Variants in PAX7 observed in about 807,000 individuals in gnomAD.
PAX7 encodes paired box protein Pax-7.
Under a neutral mutation model 50.7 loss-of-function variants are expected in PAX7, and 18 were observed. That is an observed-to-expected ratio of 0.36 (90% CI 0.25 to 0.53). The LOEUF (loss-of-function observed/expected upper bound fraction) is 0.53, where lower values mean the gene tolerates loss of function less well. Among genes scored for constraint, PAX7 ranks in the 20% least tolerant of loss-of-function variants. The pLI is 0.93. For synonymous variants in PAX7, 310 were observed against 290.4 expected (o/e 1.07, Z -0.69); for missense variants, 644 against 702.9 (o/e 0.92, Z 0.95).
chr1:18,656,716 G>A (rs941310911), intron 4 of PAX7, among the ~76,000 whole-genome samples: 2 of 151,464 alleles, frequency 1.3e-5, no homozygotes, highest in African/African-American at 2.4e-5. Context: ...ATAATGAGGC[G>A]AGACGTGGTG....
intron 4 of PAX7, among the ~76,000 whole-genome samples, chr1:18,645,708 G>C (rs1203139920): frequency 6.6e-6 from 1 of 152,118 alleles, no homozygotes; most frequent in Non-Finnish European, 1.5e-5. Flanking sequence ...TTGTGAGTCT[G>C]GATCAAGCCT....
intron 4 of PAX7, among the ~76,000 whole-genome samples, chr1:18,649,553 C>T (rs770503828): frequency 4.6e-5 from 7 of 152,006 alleles, no homozygotes; most frequent in Non-Finnish European, 8.8e-5. Flanking sequence ...TTCATAAACC[C>T]CAGATTCTCA....
intron 7 of PAX7, among the ~76,000 whole-genome samples, chr1:18,716,325 T>A (rs1417439070): frequency 6.6e-6 from 1 of 152,190 alleles, no homozygotes; most frequent in East Asian, 1.9e-4. Context: ...TGTCGCCTTC[T>A]GAGTGATAAG....
intron 6 of PAX7, among the ~76,000 whole-genome samples, chr1:18,701,136 G>A (rs2089214311): frequency 6.6e-6 from 1 of 152,086 alleles, no homozygotes; most frequent in African/African-American, 2.4e-5. Flanking sequence ...AATCCCCCTG[G>A]GAATGCCCAA....
intron 7 of PAX7, among the ~76,000 whole-genome samples, chr1:18,712,402 G>C (rs2089364003): frequency 6.6e-6 from 1 of 152,226 alleles, no homozygotes; most frequent in South Asian, 2.1e-4. Flanking sequence ...CCTGGGCAGA[G>C]CCTCTTCTCC....
intron 7 of PAX7, among the ~76,000 whole-genome samples, chr1:18,720,027 T>C (rs1313744066): frequency 6.6e-6 from 1 of 152,190 alleles, no homozygotes; most frequent in Non-Finnish European, 1.5e-5. Flanking sequence ...CAAGGCACAA[T>C]GTTGGAACCA....
chr1:18,682,632 C>T (rs1033329019), intron 4 of PAX7, among the ~76,000 whole-genome samples: 3 of 152,154 alleles, frequency 2.0e-5, no homozygotes, highest in African/African-American at 7.2e-5. Context: ...TGGCCCTGGG[C>T]AAGTCCCTGA....
At chr1:18,674,792 A>C (rs2088801852) in intron 4 of PAX7, among the ~76,000 whole-genome samples, 2 of 152,196 alleles carry the variant, frequency 1.3e-5, no homozygotes, top group South Asian at 4.2e-4. Flanking sequence ...TTATTTGCTG[A>C]TGCTGGTTTT....
chr1:18,709,293 TG>T (rs1197538717), intron 7 of PAX7, among the ~76,000 whole-genome samples: 1 of 152,214 alleles, frequency 6.6e-6, no homozygotes, highest in Non-Finnish European at 1.5e-5. Flanking sequence ...GCACCGCTCC[TG>T]GTGCTCTTTT....
intron 4 of PAX7, among the ~76,000 whole-genome samples, chr1:18,682,345 G>C (rs2088912627): frequency 6.6e-6 from 1 of 152,178 alleles, no homozygotes; most frequent in Admixed American, 6.5e-5. Context: ...CTGAGGCCTA[G>C]GTTCTGGTTA....
intron 4 of PAX7, among the ~76,000 whole-genome samples, chr1:18,690,495 G>C (rs1042741053): frequency 6.6e-6 from 1 of 152,214 alleles, no homozygotes; most frequent in Non-Finnish European, 1.5e-5. Context: ...AGGATTGATG[G>C]GGACAGGGAG....
At chr1:18,696,065 CT>C (rs386366372) in intron 5 of PAX7, among the ~76,000 whole-genome samples, 8,930 of 128,816 alleles carry the variant, frequency 0.069, 353 homozygotes, top group East Asian at 0.2. Flanking sequence ...CATTTCTTTT[CT>C]TTTTTTTTTT....
At chr1:18,669,601 T>G (rs1276608453) in intron 4 of PAX7, among the ~76,000 whole-genome samples, 2 of 152,162 alleles carry the variant, frequency 1.3e-5, no homozygotes, top group Non-Finnish European at 2.9e-5. Flanking sequence ...ACTCTTTTGA[T>G]GCAGAGAGGA....
intron 4 of PAX7, among the ~76,000 whole-genome samples, chr1:18,676,275 A>G (rs1052910588): frequency 4.6e-5 from 7 of 151,514 alleles, no homozygotes; most frequent in African/African-American, 1.7e-4. Context: ...ATTTGTCCAC[A>G]TTTTTCCACC....
At chr1:18,682,870 A>G (rs2100272681) in intron 4 of PAX7, among the ~76,000 whole-genome samples, 1 of 152,226 alleles carries the variant, frequency 6.6e-6, no homozygotes, top group African/African-American at 2.4e-5. Context: ...GACTGGTCTC[A>G]AGGGGAATAT....
intron 7 of PAX7, among the ~76,000 whole-genome samples, chr1:18,712,806 G>A (rs1051127494): frequency 6.6e-6 from 1 of 152,216 alleles, no homozygotes; most frequent in African/African-American, 2.4e-5. Context: ...CTGGGGCCGG[G>A]TGTGGTGGCT....
At chr1:18,675,962 T>C (rs1220290944) in intron 4 of PAX7, among the ~76,000 whole-genome samples, 2 of 152,190 alleles carry the variant, frequency 1.3e-5, no homozygotes, top group Admixed American at 6.5e-5. Flanking sequence ...CACCAGGAGC[T>C]GGCTCCAAGC....
chr1:18,660,474 G>T (rs903746029), intron 4 of PAX7, among the ~76,000 whole-genome samples: 6 of 152,150 alleles, frequency 3.9e-5, no homozygotes, highest in East Asian at 1.9e-4. Context: ...GATGATTGAG[G>T]CCTGGGAGGT....
chr1:18,705,259 T>C (rs1236868205), intron 7 of PAX7, among the ~76,000 whole-genome samples: 2 of 152,186 alleles, frequency 1.3e-5, no homozygotes, highest in East Asian at 3.8e-4. Context: ...TCCATCTCAC[T>C]AGTGCTAACC....
Sources: gnomAD v4.1 joint callset for allele counts (sites outside exome capture counted in the v4.1 genomes callset) on GRCh38, gnomAD v4.1.1 for gene constraint, MANE v1.5 for transcripts, NCBI Gene and HGNC (gene_info 2026-07-23, HGNC 2026-07-21) for gene names.